Variants in SNRPN observed in about 807,000 individuals in gnomAD.
SNRPN encodes the protein small nuclear ribonucleoprotein-associated protein N.
Under a neutral mutation model 25.2 loss-of-function variants are expected in SNRPN, and 7 were observed. The ratio of observed to expected loss-of-function variants is 0.28; its 90% CI spans 0.16 to 0.52. SNRPN has a LOEUF of 0.52. Among genes scored for constraint, SNRPN ranks in the 20% least tolerant of loss-of-function variants. The pLI, the probability that SNRPN is intolerant of heterozygous loss-of-function variation, is 0.96. For synonymous variants in SNRPN, 124 were observed against 110.6 expected (o/e 1.12, Z -0.76); for missense variants, 196 against 322.5 (o/e 0.61, Z 3.00).
intron 3 of SNRPN, among the ~76,000 whole-genome samples, chr15:24,972,682 G>T: frequency 6.6e-6 from 1 of 151,068 alleles, no homozygotes; most frequent in Non-Finnish European, 1.5e-5. Context: ...AGTATGATAA[G>T]CACTTCAAGA....
intron 1 of SNRPN, among the ~76,000 whole-genome samples, chr15:24,863,950 A>G (rs561795209): frequency 1.0e-4 from 15 of 149,770 alleles, no homozygotes; most frequent in African/African-American, 2.0e-4. Flanking sequence ...TAAGTTTCCT[A>G]TGGAGGAAAT....
At chr15:24,975,686 C>T (rs574000711) in intron 5 of SNRPN, among the ~76,000 whole-genome samples, 177 bp downstream of exon 5, 3 of 152,284 alleles carry the variant, frequency 2.0e-5, no homozygotes, top group African/African-American at 4.8e-5. Context: ...TGCATCTGAA[C>T]TCTTTTAAGT....
chr15:24,846,244 A>G (rs144634555), intron 2 of SNRPN, among the ~76,000 whole-genome samples: 54 of 152,290 alleles, frequency 3.5e-4, no homozygotes, highest in Admixed American at 9.2e-4. Context: ...ATCTCGAAGT[A>G]TATCACGTTT....
At chr15:24,876,582 G>T (rs984806342) in intron 1 of SNRPN, among the ~76,000 whole-genome samples, 2 of 143,658 alleles carry the variant, frequency 1.4e-5, no homozygotes, top group African/African-American at 5.3e-5. Flanking sequence ...GCTCCACTGC[G>T]CTCCAGCCTG....
intron 3 of SNRPN, among the ~76,000 whole-genome samples, chr15:24,928,125 T>G (rs886881751): frequency 6.6e-6 from 1 of 152,164 alleles, no homozygotes; most frequent in African/African-American, 2.4e-5. Context: ...TCCTATACTT[T>G]TGGTGGGAAT....
intron 2 of SNRPN, among the ~76,000 whole-genome samples, chr15:24,898,439 T>C (rs984222794): frequency 5.6e-4 from 85 of 152,042 alleles, no homozygotes; most frequent in African/African-American, 1.9e-3. Flanking sequence ...AATACAAAAA[T>C]TAGCTGGGCA....
upstream of SNRPN, among the ~76,000 whole-genome samples, chr15:24,950,851 A>G (rs1596107331): frequency 7.0e-6 from 1 of 142,380 alleles, no homozygotes; most frequent in Non-Finnish European, 1.5e-5. Context: ...CCCGGCCCCT[A>G]TGTTTTCCTT....
chr15:24,960,711 C>T (rs541091449), intron 1 of SNRPN, among the ~76,000 whole-genome samples: 30 of 152,234 alleles, frequency 2.0e-4, no homozygotes, highest in African/African-American at 6.0e-4. Flanking sequence ...TTTTACCCAT[C>T]GTAGCAATAG....
At chr15:24,939,393 T>C (rs1379366497) in intron 3 of SNRPN, among the ~76,000 whole-genome samples, 1 of 152,172 alleles carries the variant, frequency 6.6e-6, no homozygotes, top group Non-Finnish European at 1.5e-5. Flanking sequence ...CTTTGGAGAA[T>C]TCTTATTAAG....
chr15:24,913,667 A>G (rs1024079472), intron 2 of SNRPN, among the ~76,000 whole-genome samples: 2 of 152,072 alleles, frequency 1.3e-5, no homozygotes, highest in Non-Finnish European at 2.9e-5. Context: ...ACAAAACAAA[A>G]CAAAAAAAAC....
intron 1 of SNRPN, among the ~76,000 whole-genome samples, chr15:24,884,408 T>G (rs1350829004): frequency 6.6e-6 from 1 of 152,102 alleles, no homozygotes. Flanking sequence ...AAAGTAAGAC[T>G]TGGTGTAAAG....
intron 3 of SNRPN, among the ~76,000 whole-genome samples, chr15:24,927,520 C>CTTTTTTTTTTTTTTTTTT (rs2060497188): frequency 2.0e-4 from 15 of 73,762 alleles, no homozygotes; most frequent in East Asian, 9.1e-4. Flanking sequence ...TTTTTTTTTA[C>CTTTTTTTTTTTTTTTTTT]TTTTGACCAC....
intron 2 of SNRPN, among the ~76,000 whole-genome samples, chr15:24,888,311 T>A (rs1409630436): frequency 1.3e-5 from 2 of 152,044 alleles, no homozygotes; most frequent in African/African-American, 4.8e-5. Context: ...TTTCACTGTC[T>A]TGGCCAGGCT....
intron 8 of SNRPN, 102 bp from the exon 9 acceptor site, chr15:24,978,089 CTA>C (rs1251943600): frequency 3.9e-6 from 5 of 1,294,824 alleles, no homozygotes; most frequent in Non-Finnish European, 3.3e-6. Context: ...TTATTTGACT[CTA>C]TCATTGTTGT....
chr15:24,858,040 G>C (rs961133767), intron 1 of SNRPN, among the ~76,000 whole-genome samples: 2 of 152,062 alleles, frequency 1.3e-5, no homozygotes, highest in African/African-American at 4.8e-5. Flanking sequence ...CTGATCCATC[G>C]GGAGCAGGGC....
chr15:24,825,525 C>G (rs569281779), intron 1 of SNRPN, among the ~76,000 whole-genome samples: 1 of 152,008 alleles, frequency 6.6e-6, no homozygotes, highest in African/African-American at 2.4e-5. Flanking sequence ...GTTGGGGCTA[C>G]TTCCCAATAA....
intron 1 of SNRPN, among the ~76,000 whole-genome samples, chr15:24,862,539 A>G (rs1474590955): frequency 6.6e-6 from 1 of 151,122 alleles, no homozygotes; most frequent in Non-Finnish European, 1.5e-5. Flanking sequence ...TCATTAGTGA[A>G]ACACAACAAA....
intron 2 of SNRPN, among the ~76,000 whole-genome samples, chr15:24,834,841 G>C (rs1219782015): frequency 7.4e-6 from 1 of 135,928 alleles, no homozygotes; most frequent in Non-Finnish European, 1.6e-5. Flanking sequence ...CAGGAGAATC[G>C]CTTGAATCTG....
At chr15:24,897,267 G>A (rs2058131837) in intron 2 of SNRPN, among the ~76,000 whole-genome samples, 1 of 152,204 alleles carries the variant, frequency 6.6e-6, no homozygotes, top group Non-Finnish European at 1.5e-5. Context: ...CCACAGGAAT[G>A]GAGATAATAT....
Sources: allele counts gnomAD v4.1 joint callset (sites outside exome capture counted in the v4.1 genomes callset), GRCh38; gene constraint gnomAD v4.1.1; transcripts MANE v1.5; gene names NCBI Gene and HGNC (gene_info 2026-07-23, HGNC 2026-07-21).